The following GLCCI1 variants were observed in gnomAD, a reference collection of about 807,000 sequenced individuals.
GLCCI1 encodes the protein glucocorticoid-induced transcript 1 protein.
GLCCI1 carries 24 observed loss-of-function variants against 52.2 expected under a neutral mutation model. That is an observed-to-expected ratio of 0.46 (90% CI 0.33 to 0.65). The LOEUF (loss-of-function observed/expected upper bound fraction) is 0.65. Ranked by LOEUF, GLCCI1 falls within the 30% of genes least tolerant of loss-of-function variation. GLCCI1 has a pLI of 0.02. For synonymous variants in GLCCI1, 310 were observed against 276.5 expected (o/e 1.12, Z -1.20); for missense variants, 704 against 701.5 (o/e 1.00, Z -0.04).
chr7:8,022,503 A>G lies in GLCCI1; in HGVS notation c.630A>G (p.Glu210=), dbSNP rs1404594641. The change falls in exon 3 of 8, where the codon GAA becomes GAG. Residue 210 remains glutamate (E), a synonymous_variant. Transcript: ENST00000223145. ...TAAAGACACCTAGCTGTTGGGCAGA[A>G]GAGGGTGCAGAAAAGAGGTCACATC... ...KATQTPSCWA[E]EGAEKRSHQR... is the part of the protein sequence containing the mutation. 2 of 1,582,258 alleles carry G rather than the reference A, an allele frequency of 1.3e-6. No homozygotes were observed. Among genetic ancestry groups the G allele is most frequent in the Non-Finnish European group, 1.7e-6 (2 of 1,162,316 alleles).
intron 1 of GLCCI1, among the ~76,000 whole-genome samples, chr7:7,974,685 T>TA (rs1162168447): frequency 1.3e-5 from 2 of 152,288 alleles, no homozygotes; most frequent in African/African-American, 4.8e-5. Flanking sequence ...TCTGAAATTT[T>TA]AAAAAATTCT....
At chr7:8,067,109 T>C (rs1782645384) in intron 5 of GLCCI1, among the ~76,000 whole-genome samples, 1 of 152,252 alleles carries the variant, frequency 6.6e-6, no homozygotes, top group Admixed American at 6.5e-5. Flanking sequence ...GTCTTCCTGT[T>C]GCATTGAATC....
intron 1 of GLCCI1, among the ~76,000 whole-genome samples, chr7:7,986,418 A>C (rs932819092): frequency 1.3e-5 from 2 of 152,022 alleles, no homozygotes; most frequent in South Asian, 2.1e-4. Context: ...CCAGCTACTC[A>C]GGAGGCTGAG....
intron 5 of GLCCI1, among the ~76,000 whole-genome samples, chr7:8,068,543 T>G (rs954967685): frequency 6.6e-6 from 1 of 152,250 alleles, no homozygotes; most frequent in Non-Finnish European, 1.5e-5. Flanking sequence ...TCCTGTATTA[T>G]TTTATGGTAA....
At chr7:8,025,120 T>C (rs1781585473) in intron 3 of GLCCI1, among the ~76,000 whole-genome samples, 1 of 152,152 alleles carries the variant, frequency 6.6e-6, no homozygotes. Flanking sequence ...GTTTGATAAA[T>C]TCCCCACATA....
rs374508213 is a variant in GLCCI1, at chr7:8,014,530, T to G, written c.610-7953T>G. Among the ~76,000 whole-genome samples the G allele has an allele frequency of 2.6e-5, 4 of 152,342 alleles. No individual in the cohort carries two copies. The South Asian group carries it at 6.2e-4, about 24-fold the overall frequency. ...TGTTTATTATTCAGCAATGAGTTCTTAATTTTTTTTCATGAGCCTTAGAGT... is the reference window on the plus strand; with the variant it reads ...TGTTTATTATTCAGCAATGAGTTCTGAATTTTTTTTCATGAGCCTTAGAGT... On this transcript the variant is annotated intron_variant, in intron 2 of 7. Coordinates refer to ENST00000223145, the MANE Select transcript of GLCCI1 (RefSeq NM_138426.4).
intron 3 of GLCCI1, among the ~76,000 whole-genome samples, chr7:8,050,096 G>T (rs1246941400): frequency 6.6e-6 from 1 of 152,138 alleles, no homozygotes; most frequent in Non-Finnish European, 1.5e-5. Flanking sequence ...GTGGTGTGTG[G>T]AATCTCTGTC....
At chr7:8,000,106 A>G (rs1023622252) in intron 1 of GLCCI1, among the ~76,000 whole-genome samples, 1 of 152,184 alleles carries the variant, frequency 6.6e-6, no homozygotes, top group Non-Finnish European at 1.5e-5. Context: ...ACCTTTATAT[A>G]GGCCTTTTAA....
In GLCCI1 at chr7:8,053,514, T is replaced by G. The variant is rs1782315139; in HGVS notation, c.697-1919T>G. On this transcript the variant is annotated intron_variant, in intron 3 of 7. Transcript: ENST00000223145. The stretch of plus-strand genomic sequence containing the variant: ...ATTTTTGTATTTTTTTTTTTTTTTT[T>G]AGCAGAGATGGGGTTTCGCCATGTT... Among the ~76,000 whole-genome samples the G allele has an allele frequency of 2.0e-5, 3 of 149,768 alleles. No individual in the cohort carries two copies. The South Asian group carries it at 6.3e-4, about 32-fold the overall frequency.
intron 6 of GLCCI1, among the ~76,000 whole-genome samples, chr7:8,084,383 G>C (rs1783056709): frequency 6.6e-6 from 1 of 152,170 alleles, no homozygotes; most frequent in African/African-American, 2.4e-5. Flanking sequence ...TAGGTAGAAA[G>C]AGACATTTTA....
chr7:8,045,833 A>G (rs1440634285), intron 3 of GLCCI1, among the ~76,000 whole-genome samples: 3 of 152,174 alleles, frequency 2.0e-5, no homozygotes, highest in African/African-American at 4.8e-5. Context: ...AGGAGTTCGC[A>G]GAGGATAAAA....
intron 2 of GLCCI1, among the ~76,000 whole-genome samples, chr7:8,009,163 C>G (rs1445255368): frequency 6.6e-6 from 1 of 152,092 alleles, no homozygotes; most frequent in Admixed American, 6.6e-5. Context: ...AAACTAAAAT[C>G]CATTTGTGAA....
Position 8,088,817 on chromosome 7 carries a change from G to C in GLCCI1, c.*2279G>C, listed in dbSNP as rs150970127. The C allele has an allele frequency of 1.0e-3, 158 of 152,788 alleles. No homozygotes were observed. The highest frequency in any genetic ancestry group is 3.6e-3 in the African/African-American group (149 of 41,600). 9.5% of individuals were successfully genotyped at this position (152,788 alleles called of 1,614,324 possible). On this transcript the variant is annotated 3_prime_UTR_variant, in exon 8 of 8. Transcript: ENST00000223145. ...CATATATTAAAGTTTTGAACCAAAT[G>C]TGTTAAAGCTTACGCTTTGCCATGT...
In GLCCI1 at chr7:7,993,189, AT is replaced by A. The variant is rs201419527; in HGVS notation, c.458-10711del. Among the ~76,000 whole-genome samples the A allele has an allele frequency of 3.5e-3, 537 of 151,798 alleles. 2 individuals are homozygous for A. Among genetic ancestry groups the A allele is most frequent in the African/African-American group, 0.012 (499 of 41,366 alleles). On this transcript the variant is annotated intron_variant, in intron 1 of 7. Coordinates refer to ENST00000223145, the MANE Select transcript of GLCCI1 (RefSeq NM_138426.4). ...TTGTTCATTTTTTTTAAGTAAAATG[AT>A]TTTTTTTGTACTTTTAAATAGGGTG...
chr7:7,988,143 T>C (rs1223158735), intron 1 of GLCCI1, among the ~76,000 whole-genome samples: 1 of 152,188 alleles, frequency 6.6e-6, no homozygotes, highest in African/African-American at 2.4e-5. Context: ...TCCCAAAACC[T>C]AGAACTAAGG....
At chr7:8,084,605 G>A (rs185856940) in intron 6 of GLCCI1, 42 of 235,796 alleles carry the variant, frequency 1.8e-4, no homozygotes, top group Middle Eastern at 1.4e-3. Flanking sequence ...CTTGAAATAC[G>A]TAATAAATAA....
At chr7:8,011,633 G>A (rs1358736320) in intron 2 of GLCCI1, among the ~76,000 whole-genome samples, 5 of 152,102 alleles carry the variant, frequency 3.3e-5, no homozygotes, top group East Asian at 3.9e-4. Context: ...TTCGAGTCTC[G>A]GCTTTCAGTT....
chr7:7,970,014 C>CA (rs1780309058), intron 1 of GLCCI1: 7 of 474,268 alleles, frequency 1.5e-5, no homozygotes, highest in Non-Finnish European at 2.1e-5. Context: ...TGCCGCCCCT[C>CA]AGAGTCTCTC....
intron 2 of GLCCI1, among the ~76,000 whole-genome samples, chr7:8,005,783 T>G (rs943208735): frequency 6.8e-6 from 1 of 147,756 alleles, no homozygotes; most frequent in Non-Finnish European, 1.5e-5. Context: ...CATTATCTAG[T>G]TTTTTTTTTG....
Sources: gnomAD v4.1 joint callset for allele counts (sites outside exome capture counted in the v4.1 genomes callset) on GRCh38, gnomAD v4.1.1 for gene constraint, MANE v1.5 for transcripts, NCBI Gene and HGNC (gene_info 2026-07-23, HGNC 2026-07-21) for gene names.